MYADM: variants seen among roughly 807,000 people sequenced by gnomAD.
The protein encoded by MYADM is myeloid associated differentiation marker, also known as myeloid-associated differentiation marker.
For synonymous variants in MYADM, 224 were observed against 210.2 expected (o/e 1.07, Z -0.57); for missense variants, 416 against 443.4 (o/e 0.94, Z 0.56).
In MYADM at chr19:53,876,164, T is replaced by C. The variant is rs972644651; in HGVS notation, c.*1666T>C. 1.2e-5 allele frequency: 2 copies of C among 166,928 alleles called. No individual in the cohort carries two copies. Among genetic ancestry groups the C allele is most frequent in the Non-Finnish European group, 2.9e-5 (2 of 68,106 alleles). 10.3% of individuals were successfully genotyped at this position (166,928 alleles called of 1,614,324 possible). On this transcript the variant is annotated 3_prime_UTR_variant, in exon 3 of 3. Coordinates refer to ENST00000391770, the MANE Select transcript of MYADM (RefSeq NM_138373.5). Reference sequence around the variant, plus strand: ...GCTGCGTCCTAGCTAGAGGAATGGCTTTGCTTGAATGTGTAGTGCACACGC... The same window carrying C: ...GCTGCGTCCTAGCTAGAGGAATGGCCTTGCTTGAATGTGTAGTGCACACGC...
rs1274332790 is a variant in MYADM at position 53,875,967 on chromosome 19, G to A, written c.*1469G>A. 1 of 167,086 alleles carries A rather than the reference G, an allele frequency of 6.0e-6. No individual in the cohort carries two copies. The highest frequency in any genetic ancestry group is 2.4e-5 in the African/African-American group (1 of 41,454). The allele number at this position is 167,086 out of a possible 1,614,324, so 10.4% of individuals were successfully genotyped here. A position where few individuals can be genotyped will look rare whatever the true frequency, so the allele number is the denominator to read the frequency against. On this transcript the variant is annotated 3_prime_UTR_variant, in exon 3 of 3. Transcript: ENST00000391770. ...AAGAATAACGTGTCCTGCTTTGGCA[G>A]AGAGAAGAAAATAGCCACTGCCCGC...
chr19:53,872,137 G>C (rs994600200), intron 2 of MYADM, among the ~76,000 whole-genome samples: 2 of 152,220 alleles, frequency 1.3e-5, no homozygotes, highest in African/African-American at 4.8e-5. Context: ...GACCTCAAGT[G>C]ATCTGCCAGC....
chr19:53,874,307 C>G lies in MYADM; in HGVS notation c.778C>G (p.Leu260Val), dbSNP rs1439263045. 6.2e-7 allele frequency: 1 copy of G among 1,611,812 alleles called. No individual in the cohort carries two copies. Reference protein sequence around the residue: ...LYATALVLWPLYQFDEKYGGQ... With the variant: ...LYATALVLWPVYQFDEKYGGQ... ...TGCCACCGCCCTTGTTCTCTGGCCC[C>G]TCTACCAGTTCGATGAGAAGTATGG... is the stretch of plus-strand genomic sequence containing the variant. The change falls in exon 3 of 3, where the codon CTC (leucine) becomes GTC (valine). Residue 260 changes from leucine to valine, a missense_variant. Coordinates refer to ENST00000391770, the MANE Select transcript of MYADM (RefSeq NM_138373.5).
chr19:53,872,526 G>T (rs10403321), intron 2 of MYADM, among the ~76,000 whole-genome samples: 5,184 of 149,052 alleles, frequency 0.035, 291 homozygotes, highest in African/African-American at 0.12. Flanking sequence ...TTTTTTTTTT[G>T]AGTCAGGGTC....
upstream of MYADM, chr19:53,865,774 T>C (rs1441644412): frequency 6.6e-6 from 1 of 152,256 alleles, no homozygotes; most frequent in African/African-American, 2.4e-5. Flanking sequence ...TTGGGGTACC[T>C]TGAGTGTGTC....
rs1332703779 is a variant in MYADM, at chr19:53,874,389, T to C, written c.860T>C (p.Val287Ala). 2 of 1,614,236 alleles carry C rather than the reference T, an allele frequency of 1.2e-6. No individual in the cohort carries two copies. The highest frequency in any genetic ancestry group is 2.2e-5 in the East Asian group (1 of 44,886). ...VSCSRSHAYY[V>A]CAWDRRLAVA... ...TGCAGCCGCAGCCATGCCTACTACG[T>C]GTGTGCCTGGGACCGCCGACTGGCT... is the stretch of plus-strand genomic sequence containing the variant. The change falls in exon 3 of 3, where the codon GTG (valine) becomes GCG (alanine). Residue 287 changes from valine to alanine, a missense_variant. Transcript: ENST00000391770.
chr19:53,865,882 C>T (rs958303100), upstream of MYADM: 2 of 152,124 alleles, frequency 1.3e-5, no homozygotes, highest in African/African-American at 4.8e-5. Flanking sequence ...CTAGAGGCGT[C>T]CCAGGGGAGT....
intron 2 of MYADM, among the ~76,000 whole-genome samples, chr19:53,871,500 C>T (rs2068386969): frequency 6.6e-6 from 1 of 152,118 alleles, no homozygotes; most frequent in Admixed American, 6.6e-5. Flanking sequence ...GGTTGCTAAT[C>T]TCCAAGGTGG....
chr19:53,870,703 G>C (rs2068366698), intron 2 of MYADM, among the ~76,000 whole-genome samples: 1 of 152,184 alleles, frequency 6.6e-6, no homozygotes. Context: ...CTGTGGCTAG[G>C]AGAGGCCTTG....
Position 53,874,771 on chromosome 19 carries a change from C to CT in MYADM, c.*295dup, listed in dbSNP as rs67727940. Reference sequence around the variant, plus strand: ...CCTGAGCTGTTTCTCTTTTTCTTTTCTTTTTTTTTTTTTTTTTTTTTTAAG... The same window carrying CT: ...CCTGAGCTGTTTCTCTTTTTCTTTTCTTTTTTTTTTTTTTTTTTTTTTTAAG... On this transcript the variant is annotated 3_prime_UTR_variant, in exon 3 of 3. Transcript: ENST00000391770. 741 of 171,988 alleles carry CT rather than the reference C, an allele frequency of 4.3e-3. 11 individuals carry two copies. The highest frequency in any genetic ancestry group is 0.019 in the African/African-American group (654 of 35,034). The allele number at this position is 171,988 out of a possible 1,614,324, so 10.7% of individuals were successfully genotyped here. A position where few individuals can be genotyped will look rare whatever the true frequency, so the allele number is the denominator to read the frequency against.
rs763251741 is a variant in MYADM at position 53,874,445 on chromosome 19, G to A, written c.916G>A (p.Ala306Thr). Residue 306 changes from alanine (A) to threonine (T), a missense_variant, in exon 3 of 3, where the codon GCG becomes ACG. Coordinates refer to ENST00000391770, the MANE Select transcript of MYADM (RefSeq NM_138373.5). ...CATCCTGACGGCCATCAACCTACTG[G>A]CGTATGTGGCTGACCTGGTGCACTC... is the stretch of plus-strand genomic sequence containing the variant. ...VAILTAINLL[A>T]YVADLVHSAH... 7 of 1,613,708 alleles carry A rather than the reference G, an allele frequency of 4.3e-6. No individual in the cohort carries two copies. The Admixed American group carries it at 8.3e-5, about 19-fold the overall frequency.
chr19:53,875,898 T>C lies in MYADM; in HGVS notation c.*1400T>C, dbSNP rs2068525467. 1 of 166,674 alleles carries C rather than the reference T, an allele frequency of 6.0e-6. No homozygotes were observed. The highest frequency in any genetic ancestry group is 1.5e-5 in the Non-Finnish European group (1 of 68,076). The allele number at this position is 166,674 out of a possible 1,614,324, so 10.3% of individuals were successfully genotyped here. A position where few individuals can be genotyped will look rare whatever the true frequency, so the allele number is the denominator to read the frequency against. On this transcript the variant is annotated 3_prime_UTR_variant, in exon 3 of 3. Transcript: ENST00000391770. ...AGAACCACAGGATGTTGAAGACAAC[T>C]GTCTGAAGTATTTGTGAGGGACAGC...
At chr19:53,867,053 G>C (rs578176809), upstream of MYADM, among the ~76,000 whole-genome samples, 1 of 152,238 alleles carries the variant, frequency 6.6e-6, no homozygotes, top group South Asian at 2.1e-4. Flanking sequence ...TACCGCGCTA[G>C]CTCCCAGGAA....
At position 53,873,505 on chromosome 19, in the gene MYADM, C is replaced by T; in HGVS notation, c.-2-23C>T. The T allele has an allele frequency of 6.3e-7, 1 of 1,576,846 alleles. No individual in the cohort carries two copies. Among genetic ancestry groups the T allele is most frequent in the Non-Finnish European group, 8.6e-7 (1 of 1,160,486 alleles). On this transcript the variant is annotated intron_variant, in intron 2 of 2. Coordinates refer to ENST00000391770, the MANE Select transcript of MYADM (RefSeq NM_138373.5). The surrounding 1 kb of genome is among the most constrained non-coding windows in gnomAD (Gnocchi z 4.3). ...TCTTATGTTTGTGACTGTATAAGGA[C>T]ACTGTCTTTCCCCTTTTTGCAGCCA...
At chr19:53,872,539 ACT>A (rs2068413664) in intron 2 of MYADM, among the ~76,000 whole-genome samples, 2 of 148,384 alleles carry the variant, frequency 1.3e-5, no homozygotes, top group Admixed American at 6.7e-5. Flanking sequence ...TCAGGGTCTC[ACT>A]CTGTCTCCCA....
At chr19:53,866,608 C>A (rs889925653), upstream of MYADM, among the ~76,000 whole-genome samples, 1 of 152,212 alleles carries the variant, frequency 6.6e-6, no homozygotes, top group Non-Finnish European at 1.5e-5. The surrounding 1 kb of genome is among the most constrained non-coding windows in gnomAD (Gnocchi z 4.3). Context: ...TTCGGGCCCA[C>A]CAGCCCCTTG....
Position 53,873,845 on chromosome 19 carries a change from G to T in MYADM, c.316G>T (p.Ala106Ser), listed in dbSNP as rs1216851605. The T allele has an allele frequency of 3.7e-6, 6 of 1,613,524 alleles. No individual in the cohort carries two copies. Among genetic ancestry groups the T allele is most frequent in the Non-Finnish European group, 5.1e-6 (6 of 1,180,038 alleles). ...TTGGCGCAACTTCCCCATCACCTTC[G>T]CCTGCTATGCGGCCCTCTTCTGCCT... ...LSWRNFPITFACYAALFCLSA... is the reference protein window; with the variant it reads ...LSWRNFPITFSCYAALFCLSA... Residue 106 changes from alanine to serine, a missense_variant, in exon 3 of 3, where the codon GCC becomes TCC. Coordinates refer to ENST00000391770, the MANE Select transcript of MYADM (RefSeq NM_138373.5). This position sits in a 1 kb window ranked among gnomAD's most constrained non-coding sequence, Gnocchi z 4.3.
rs1250612528 is a variant in MYADM, at chr19:53,875,732, C to T, written c.*1234C>T. The T allele has an allele frequency of 3.9e-5, 6 of 153,632 alleles. No individual in the cohort carries two copies. Among genetic ancestry groups the T allele is most frequent in the Non-Finnish European group, 7.4e-5 (5 of 68,022 alleles). 9.5% of individuals were successfully genotyped at this position (153,632 alleles called of 1,614,324 possible). A position where few individuals can be genotyped will look rare whatever the true frequency, so the allele number is the denominator to read the frequency against. ...GGCGTGGTGGCGGGCGCCTGTAATC[C>T]CAGGTATTTGGGGGGACTGAGACAG... On this transcript the variant is annotated 3_prime_UTR_variant, in exon 3 of 3. Transcript: ENST00000391770.
At chr19:53,867,278 C>T (rs1033744683), upstream of MYADM, among the ~76,000 whole-genome samples, 1 of 152,152 alleles carries the variant, frequency 6.6e-6, no homozygotes, top group African/African-American at 2.4e-5. Flanking sequence ...CCCAGGAATA[C>T]TGCTCTCAAT....
Sources: gnomAD v4.1 joint callset for allele counts (sites outside exome capture counted in the v4.1 genomes callset) on GRCh38, gnomAD v4.1.1 for gene constraint, Gnocchi (gnomAD v3.1) non-coding constraint, MANE v1.5 for transcripts, NCBI Gene and HGNC (gene_info 2026-07-23, HGNC 2026-07-21) for gene names.